RIMBP2: variants seen among roughly 807,000 people sequenced by gnomAD.
RIMBP2 encodes RIMS binding protein 2.
A neutral mutation model predicts 118.6 loss-of-function variants in RIMBP2; 48 were observed. The ratio of observed to expected loss-of-function variants is 0.40; its 90% confidence interval spans 0.32 to 0.51. RIMBP2 has a LOEUF of 0.51. Among genes scored for constraint, RIMBP2 ranks in the 20% least tolerant of loss-of-function variants. The probability of loss-of-function intolerance (pLI) is 0.41; values close to 1 mark genes in which losing one functional copy is unlikely to be tolerated. For missense variants in RIMBP2, 1,551 were observed against 1,768.3 expected (o/e 0.88, Z 2.20); for synonymous variants, 762 against 742.9 (o/e 1.03, Z -0.42).
At chr12:130,556,904 G>A (rs1362943397) in intron 2 of RIMBP2, among the ~76,000 whole-genome samples, 2 of 152,196 alleles carry the variant, frequency 1.3e-5, no homozygotes, top group Non-Finnish European at 2.9e-5. Context: ...CGTAGGTGCA[G>A]AGACGTCTTG....
intron 10 of RIMBP2, among the ~76,000 whole-genome samples, chr12:130,443,859 A>G (rs896166687): frequency 6.6e-6 from 1 of 152,202 alleles, no homozygotes; most frequent in East Asian, 1.9e-4. Flanking sequence ...TTGAACAATT[A>G]CTATGTGCTA....
chr12:130,491,074 C>T (rs973408484), intron 4 of RIMBP2, among the ~76,000 whole-genome samples: 3 of 152,186 alleles, frequency 2.0e-5, no homozygotes, highest in African/African-American at 7.2e-5. Context: ...TCCCAGAGAA[C>T]CTGCCTGAGA....
Position 130,422,401 on chromosome 12 carries a change from A to T in RIMBP2, c.3238+52T>A. ...TTGTTCATGCTTAGATGGAGTAAGC[A>T]GCCACATGCTCCGCGGCTGAAAGAC... On this transcript the variant is annotated intron_variant, in intron 17 of 22. Transcript: ENST00000690449. This position sits in a 1 kb window ranked among gnomAD's most constrained non-coding sequence, Gnocchi z 5.2. The T allele has an allele frequency of 7.7e-7, 1 of 1,303,140 alleles. No individual in the cohort carries two copies. The highest frequency in any genetic ancestry group is 1.1e-6 in the Non-Finnish European group (1 of 911,208). 80.7% of individuals were successfully genotyped at this position (1,303,140 alleles called of 1,614,324 possible).
intron 2 of RIMBP2, among the ~76,000 whole-genome samples, chr12:130,546,709 G>A (rs755767000): frequency 2.6e-5 from 4 of 152,178 alleles, no homozygotes; most frequent in Non-Finnish European, 4.4e-5. Context: ...AAGAAGGCCG[G>A]TAAACTGGCA....
intron 1 of RIMBP2, among the ~76,000 whole-genome samples, chr12:130,696,245 A>G (rs2065570341): frequency 1.3e-5 from 2 of 152,334 alleles, no homozygotes; most frequent in East Asian, 1.9e-4. Flanking sequence ...CGCCTGCACA[A>G]TGCAGCTGCC....
chr12:130,530,538 A>T (rs2053258787), intron 2 of RIMBP2, among the ~76,000 whole-genome samples: 1 of 152,224 alleles, frequency 6.6e-6, no homozygotes, highest in Non-Finnish European at 1.5e-5. Context: ...GAAATCACAT[A>T]AAAAGGGTTT....
chr12:130,648,173 ATACT>A (rs201874146), intron 1 of RIMBP2, among the ~76,000 whole-genome samples: 2,704 of 146,250 alleles, frequency 0.018, 213 homozygotes, highest in African/African-American at 0.062. Flanking sequence ...TCAACAGTAA[ATACT>A]AAAGATGAAA....
chr12:130,497,672 T>C lies in RIMBP2; in HGVS notation c.-4+8976A>G, dbSNP rs533919059. 1.8e-4 allele frequency among the ~76,000 whole-genome samples: 27 copies of C among 152,258 alleles called. No homozygotes were observed. In the South Asian group the frequency reaches 2.9e-3, roughly 16 times the overall value. ...CACATGAAAAACACATGAGGCTTTT[T>C]TTGTTTTGTTTTTTTGCAGTGAGTA... On this transcript the variant is annotated intron_variant, in intron 4 of 22. Transcript: ENST00000690449.
At chr12:130,579,385 TG>T (rs1566298827) in intron 2 of RIMBP2, among the ~76,000 whole-genome samples, 1 of 152,092 alleles carries the variant, frequency 6.6e-6, no homozygotes. Flanking sequence ...GACTCTCTGA[TG>T]AGCTTCCCTG....
intron 13 of RIMBP2, among the ~76,000 whole-genome samples, chr12:130,435,406 TC>T (rs2077443315): frequency 6.6e-6 from 1 of 152,228 alleles, no homozygotes; most frequent in African/African-American, 2.4e-5. Context: ...TCCATTGGTC[TC>T]CTCTGCCCAG....
Position 130,623,982 on chromosome 12 carries a change from C to T in RIMBP2, c.-217+4340G>A, listed in dbSNP as rs758208467. Reference sequence around the variant, plus strand: ...CCTGTCTCACTTCCACACTCCCCTCCCAAAATTTCCTGGGGTCACCTTCCC... The same window carrying T: ...CCTGTCTCACTTCCACACTCCCCTCTCAAAATTTCCTGGGGTCACCTTCCC... On this transcript the variant is annotated intron_variant, in intron 2 of 22. Coordinates refer to ENST00000690449, the MANE Select transcript of RIMBP2 (RefSeq NM_001393629.1). This position sits in a 1 kb window ranked among gnomAD's most constrained non-coding sequence, Gnocchi z 4.1. 1.3e-5 allele frequency among the ~76,000 whole-genome samples: 2 copies of T among 152,204 alleles called. No homozygotes were observed. The highest frequency in any genetic ancestry group is 2.9e-5 in the Non-Finnish European group (2 of 68,028).
chr12:130,481,603 C>T (rs1182904072), intron 4 of RIMBP2, among the ~76,000 whole-genome samples: 2 of 152,196 alleles, frequency 1.3e-5, no homozygotes, highest in Non-Finnish European at 2.9e-5. Context: ...CACAAGAACC[C>T]GGGATCCGGA....
rs185246515 is a variant in RIMBP2, at chr12:130,480,036, A to G, written c.-3-1020T>C. Among the ~76,000 whole-genome samples, 21 of 151,986 alleles carry G rather than the reference A, an allele frequency of 1.4e-4. No homozygotes were observed. In the East Asian group the frequency reaches 3.5e-3, roughly 25 times the overall value. ...ACGAACCCTGGCAGCCTGCAGGAGGAAACACATGGGAAATGACATTGGGTA... is the reference window on the plus strand; with the variant it reads ...ACGAACCCTGGCAGCCTGCAGGAGGGAACACATGGGAAATGACATTGGGTA... On this transcript the variant is annotated intron_variant, in intron 4 of 22. Transcript: ENST00000690449.
intron 1 of RIMBP2, among the ~76,000 whole-genome samples, chr12:130,698,899 C>A (rs2065701556): frequency 6.6e-6 from 1 of 152,232 alleles, no homozygotes; most frequent in African/African-American, 2.4e-5. Context: ...AAACAAACAA[C>A]CCCATCAAAA....
intron 21 of RIMBP2, among the ~76,000 whole-genome samples, chr12:130,402,855 C>T (rs1008700302): frequency 6.6e-6 from 1 of 152,158 alleles, no homozygotes; most frequent in Admixed American, 6.5e-5. Context: ...TAGGAAGGTA[C>T]AGGATTTAAG....
chr12:130,455,517 C>CT (rs1214207243), intron 7 of RIMBP2, among the ~76,000 whole-genome samples: 1 of 152,232 alleles, frequency 6.6e-6, no homozygotes, highest in African/African-American at 2.4e-5. Context: ...CCTCCCACAG[C>CT]CACGACCACT....
At chr12:130,455,970 C>T (rs963007452) in intron 7 of RIMBP2, among the ~76,000 whole-genome samples, 21 of 152,220 alleles carry the variant, frequency 1.4e-4, no homozygotes, top group African/African-American at 4.6e-4. Flanking sequence ...CTAAGCAGGA[C>T]TGTGATGGGC....
At chr12:130,451,729 C>T (rs914762341) in intron 7 of RIMBP2, among the ~76,000 whole-genome samples, 1 of 152,250 alleles carries the variant, frequency 6.6e-6, no homozygotes, top group African/African-American at 2.4e-5. Context: ...GTGAGGACGG[C>T]GCCTGCTCAC....
chr12:130,405,709 A>G (rs2075107671), intron 21 of RIMBP2, among the ~76,000 whole-genome samples: 1 of 152,138 alleles, frequency 6.6e-6, no homozygotes, highest in Non-Finnish European at 1.5e-5. Context: ...AGCTGCTAAC[A>G]GCAGTTGGCT....
Sources: gnomAD v4.1 joint callset for allele counts (sites outside exome capture counted in the v4.1 genomes callset) on GRCh38, gnomAD v4.1.1 for gene constraint, Gnocchi (gnomAD v3.1) non-coding constraint, MANE v1.5 for transcripts, NCBI Gene and HGNC (gene_info 2026-07-23, HGNC 2026-07-21) for gene names.